The following RFX1 variants were observed in gnomAD, a reference collection of about 807,000 sequenced individuals.
RFX1 encodes the protein MHC class II regulatory factor RFX1.
RFX1 carries 42 observed loss-of-function variants against 119.6 expected under a neutral mutation model. The ratio of observed to expected loss-of-function variants is 0.35; its 90% CI spans 0.27 to 0.45. The LOEUF (loss-of-function observed/expected upper bound fraction) is 0.45, where lower values mean the gene tolerates loss of function less well. RFX1 is among the 20% of genes least tolerant of loss of function. The probability of loss-of-function intolerance (pLI) is 1.00; values close to 1 mark genes in which losing one functional copy is unlikely to be tolerated. For synonymous variants in RFX1, 628 were observed against 618.5 expected, an observed-to-expected ratio of 1.02 and a Z score of -0.23; for missense variants, 1,118 against 1,368.1, an observed-to-expected ratio of 0.82 and a Z score of 2.88.
In RFX1 at chr19:13,963,753, C is replaced by G; in HGVS notation, c.2362-7G>C. ...ACACCCACGAGGCCTGCTCCTGGGG[C>G]ACAGAGGGTGGGCGGGCGCCCGGGG... On this transcript the variant is annotated splice_polypyrimidine_tract_variant and splice_region_variant and intron_variant, in intron 17 of 20. Coordinates refer to ENST00000254325, the MANE Select transcript of RFX1 (RefSeq NM_002918.5). 6.4e-7 allele frequency: 1 copy of G among 1,570,004 alleles called. No homozygotes were observed. Among genetic ancestry groups the G allele is most frequent in the Non-Finnish European group, 8.6e-7 (1 of 1,159,820 alleles).
rs1393290467 is a variant in RFX1, at chr19:13,969,460, C to T, written c.1496+534G>A. 1.3e-5 allele frequency among the ~76,000 whole-genome samples: 2 copies of T among 152,110 alleles called. No individual in the cohort carries two copies. Among genetic ancestry groups the T allele is most frequent in the Non-Finnish European group, 2.9e-5 (2 of 68,024 alleles). Reference sequence around the variant, plus strand: ...TTGAGGACAGGAGTTCAAGACCAGCCTGGCCAACATAGCAAAGCCCTGTCT... The same window carrying T: ...TTGAGGACAGGAGTTCAAGACCAGCTTGGCCAACATAGCAAAGCCCTGTCT... On this transcript the variant is annotated intron_variant, in intron 10 of 20. Transcript: ENST00000254325. The surrounding 1 kb of genome is among the most constrained non-coding windows in gnomAD (Gnocchi z 4.5).
chr19:13,983,318 G>T (rs7253273), intron 3 of RFX1, 48 bp from the exon 4 acceptor site: 33 of 1,473,010 alleles, frequency 2.2e-5, no homozygotes, highest in Non-Finnish European at 2.9e-5. Context: ...CCCCCAGGGA[G>T]GCCTGGCGTG....
chr19:13,978,638 C>A (rs926760711), intron 7 of RFX1, among the ~76,000 whole-genome samples: 2 of 152,100 alleles, frequency 1.3e-5, no homozygotes, highest in Admixed American at 1.3e-4. Context: ...CTAGACCGAC[C>A]CGTCGGGCGG....
At chr19:13,979,015 G>A (rs952946326) in intron 7 of RFX1, among the ~76,000 whole-genome samples, 6 of 151,750 alleles carry the variant, frequency 4.0e-5, no homozygotes, top group African/African-American at 1.4e-4. Context: ...CGGCGGCTCC[G>A]GCGGCGGCGT....
chr19:13,994,020 T>A, intron 1 of RFX1, 125 bp from the exon 2 acceptor site: 1 of 628,826 alleles, frequency 1.6e-6, no homozygotes, highest in Non-Finnish European at 2.7e-6. Context: ...TGTGCTTGGG[T>A]TCATCACTAA....
At chr19:13,982,073 C>A in intron 5 of RFX1, 48 bp downstream of exon 5, 3 of 1,018,152 alleles carry the variant, frequency 2.9e-6, no homozygotes, top group Middle Eastern at 2.3e-4. Flanking sequence ...ACATTGCTGA[C>A]CTCGGGAGAC....
At chr19:13,999,316 C>T (rs1376791522) in intron 1 of RFX1, among the ~76,000 whole-genome samples, 1 of 152,154 alleles carries the variant, frequency 6.6e-6, no homozygotes, top group Non-Finnish European at 1.5e-5. Flanking sequence ...CCTTCAAAGC[C>T]AGCAGCTGCT....
Position 13,968,554 on chromosome 19 carries a change from G to A in RFX1, c.1732+11C>T, listed in dbSNP as rs926168979. On this transcript the variant is annotated intron_variant, in intron 12 of 20. Coordinates refer to ENST00000254325, the MANE Select transcript of RFX1 (RefSeq NM_002918.5). The surrounding 1 kb of genome is among the most constrained non-coding windows in gnomAD (Gnocchi z 5.5). ...CGGTGGTTGGGGAAGCACGGGCCAG[G>A]GAGCTCTCACCCAAAAATTGCTGGT... 4 of 1,604,970 alleles carry A rather than the reference G, an allele frequency of 2.5e-6. No individual in the cohort carries two copies. The highest frequency in any genetic ancestry group is 3.4e-6 in the Non-Finnish European group (4 of 1,172,402).
At chr19:13,998,817 G>A (rs1281454998) in intron 1 of RFX1, among the ~76,000 whole-genome samples, 1 of 152,166 alleles carries the variant, frequency 6.6e-6, no homozygotes, top group Non-Finnish European at 1.5e-5. Flanking sequence ...TCAGCCCTAA[G>A]AGACCTGGCC....
chr19:14,002,901 C>T (rs1370144622), intron 1 of RFX1, among the ~76,000 whole-genome samples: 1 of 152,224 alleles, frequency 6.6e-6, no homozygotes, highest in African/African-American at 2.4e-5. Flanking sequence ...AAGCTCCCCA[C>T]CGTTCCCACA....
chr19:13,973,096 G>T lies in RFX1; in HGVS notation c.961C>A (p.Pro321Thr). ...RSSTYSYPET[P>T]LYTQTASTSY... ...GTGCTTGCCGTCTGCGTGTACAGCGGCGTCTCGGGATAGGAGTAGGTGCTG... is the reference window on the plus strand; with the variant it reads ...GTGCTTGCCGTCTGCGTGTACAGCGTCGTCTCGGGATAGGAGTAGGTGCTG... Residue 321 changes from proline (P) to threonine (T), a missense_variant, in exon 9 of 21, where the codon CCG (proline) becomes ACG (threonine). Transcript: ENST00000254325. The T allele has an allele frequency of 1.9e-6, 3 of 1,600,458 alleles. No individual in the cohort carries two copies. The highest frequency in any genetic ancestry group is 2.5e-6 in the Non-Finnish European group (3 of 1,179,854).
At position 13,961,725 on chromosome 19, in the gene RFX1, T is replaced by C. The variant is rs1232001662; in HGVS notation, c.*970A>G. On this transcript the variant is annotated 3_prime_UTR_variant, in exon 21 of 21. Coordinates refer to ENST00000254325, the MANE Select transcript of RFX1 (RefSeq NM_002918.5). ...ACACAAAATAGTGATTTTTATACAA[T>C]AGGTCAGATTTCCATTTTTTTTTCC... The C allele has an allele frequency of 1.3e-5, 2 of 152,184 alleles. No individual in the cohort carries two copies. The highest frequency in any genetic ancestry group is 2.9e-5 in the Non-Finnish European group (2 of 68,022). 9.4% of individuals were successfully genotyped at this position (152,184 alleles called of 1,614,324 possible). A position where few individuals can be genotyped will look rare whatever the true frequency, so the allele number is the denominator to read the frequency against.
chr19:14,003,294 G>A (rs1031121643), intron 1 of RFX1, among the ~76,000 whole-genome samples: 1 of 149,568 alleles, frequency 6.7e-6, no homozygotes, highest in African/African-American at 2.5e-5. Flanking sequence ...TGCCCGGCCA[G>A]GATTTTTCTT....
chr19:13,983,348 C>T (rs1974490715), intron 3 of RFX1, 78 bp from the exon 4 acceptor site: 2 of 1,308,526 alleles, frequency 1.5e-6, no homozygotes, highest in African/African-American at 1.5e-5. Flanking sequence ...CGGGCGGCTG[C>T]TGTGCACATC....
chr19:13,997,209 C>G (rs1975060515), intron 1 of RFX1, among the ~76,000 whole-genome samples: 1 of 152,096 alleles, frequency 6.6e-6, no homozygotes, highest in Non-Finnish European at 1.5e-5. Context: ...CCTCCCTGTG[C>G]CTCCCTCCCC....
Position 13,993,722 on chromosome 19 carries a change from G to C in RFX1, c.122C>G (p.Pro41Arg), listed in dbSNP as rs547715748. The C allele has an allele frequency of 3.8e-6, 6 of 1,582,858 alleles. No homozygotes were observed. Among genetic ancestry groups the C allele is most frequent in the African/African-American group, 1.3e-5 (1 of 74,076 alleles). The change falls in exon 2 of 21, where the codon CCG (proline) becomes CGG (arginine). Residue 41 changes from proline to arginine, a missense_variant. By Grantham distance (103) the Pro-to-Arg change is moderately radical (BLOSUM62 -2). This residue lies in a region of RFX1 where 542 missense variants were observed against 602.7 expected (regional missense o/e 0.90). Transcript: ENST00000254325. ...PPPPPAAPQP[P>R]QPPTAAATPQ... ...GGTGGCAGCAGCGGTGGGTGGCTGCGGGGGCTGGGGTGCCGCTGGGGGTGG... is the reference window on the plus strand; with the variant it reads ...GGTGGCAGCAGCGGTGGGTGGCTGCCGGGGCTGGGGTGCCGCTGGGGGTGG...
chr19:13,970,459 G>A (rs1974043970), intron 9 of RFX1, among the ~76,000 whole-genome samples: 1 of 151,516 alleles, frequency 6.6e-6, no homozygotes, highest in Admixed American at 6.6e-5. Context: ...AGGATCACTT[G>A]AGCCCAGGCT....
Position 13,969,679 on chromosome 19 carries a change from C to T in RFX1, c.1496+315G>A, listed in dbSNP as rs1017795675. ...TGTCTCCAAAAAAAAAAAAAAGTCA[C>T]GTGTGAGCGTGCTGAATGCTAAAGA... On this transcript the variant is annotated intron_variant, in intron 10 of 20. Transcript: ENST00000254325. This position sits in a 1 kb window ranked among gnomAD's most constrained non-coding sequence, Gnocchi z 4.5. 4 of 269,312 alleles carry T rather than the reference C, an allele frequency of 1.5e-5. No homozygotes were observed. The highest frequency in any genetic ancestry group is 1.5e-4 in the Admixed American group (3 of 20,372). 16.7% of individuals were successfully genotyped at this position (269,312 alleles called of 1,614,324 possible).
intron 1 of RFX1, among the ~76,000 whole-genome samples, chr19:14,005,788 C>A (rs949081375): frequency 6.6e-6 from 1 of 151,640 alleles, no homozygotes; most frequent in Admixed American, 6.6e-5. Context: ...ACCTCCCTCG[C>A]TCCCATTGGC....
Sources: gnomAD v4.1 joint callset for allele counts (sites outside exome capture counted in the v4.1 genomes callset) on GRCh38, gnomAD v4.1.1 for gene constraint, gnomAD v4.1.1 regional missense constraint, Gnocchi (gnomAD v3.1) non-coding constraint, MANE v1.5 for transcripts, NCBI Gene and HGNC (gene_info 2026-07-23, HGNC 2026-07-21) for gene names.